ACTN4: variants seen among roughly 807,000 people sequenced by gnomAD.
ACTN4 encodes actinin alpha 4.
Under a neutral mutation model 114.2 loss-of-function variants are expected in ACTN4, and 18 were observed. The ratio of observed to expected loss-of-function variants is 0.16; its 90% CI spans 0.11 to 0.23. The LOEUF is 0.23. Among genes scored for constraint, ACTN4 ranks in the 10% least tolerant of loss-of-function variants. ACTN4 has a pLI of 1.00. For synonymous variants in ACTN4, 515 were observed against 506.3 expected, an observed-to-expected ratio of 1.02 and a Z score of -0.23; for missense variants, 722 against 1,262.9, an observed-to-expected ratio of 0.57 and a Z score of 6.49.
At chr19:38,682,946 CCCA>C (rs1166272825) in intron 1 of ACTN4, among the ~76,000 whole-genome samples, 2 of 152,186 alleles carry the variant, frequency 1.3e-5, no homozygotes, top group African/African-American at 4.8e-5. Context: ...TGTTATGGTA[CCCA>C]TCCCTGTCTC....
At chr19:38,713,779 C>T (rs933709129) in intron 8 of ACTN4, among the ~76,000 whole-genome samples, 1 of 152,186 alleles carries the variant, frequency 6.6e-6, no homozygotes, top group Non-Finnish European at 1.5e-5. Flanking sequence ...TTCTGTGCTT[C>T]CTGAAAGGTA....
intron 1 of ACTN4, among the ~76,000 whole-genome samples, chr19:38,669,405 G>A (rs951914516): frequency 1.3e-5 from 2 of 152,236 alleles, no homozygotes; most frequent in Non-Finnish European, 2.9e-5. Context: ...GAGTTTGGAG[G>A]TGTCCCCTGT....
At chr19:38,720,437 GA>G (rs1437520859) in intron 11 of ACTN4, among the ~76,000 whole-genome samples, 13 of 152,246 alleles carry the variant, frequency 8.5e-5, no homozygotes, top group African/African-American at 2.7e-4. Flanking sequence ...TTGGAGAAGG[GA>G]ATTGCAAGGC....
chr19:38,690,181 G>A (rs917189729), intron 1 of ACTN4, among the ~76,000 whole-genome samples: 3 of 152,196 alleles, frequency 2.0e-5, no homozygotes, highest in Non-Finnish European at 4.4e-5. Flanking sequence ...CTGTATGGAA[G>A]CTCTGTTTTC....
rs985007906 is a variant in ACTN4, at chr19:38,724,216, C to T, written c.1752C>T (p.Arg584=). The change falls in exon 15 of 21, where the codon CGC becomes CGT. Residue 584 remains arginine, a synonymous_variant. Transcript: ENST00000252699. This position sits in a 1 kb window ranked among gnomAD's most constrained non-coding sequence, Gnocchi z 7.0. ...CCCTGCCGGACGCCGATAGGGAGCG[C>T]GAGGCCATCCTGGCCATCCACAAGG... ...KSTLPDADRE[R]EAILAIHKEA... 6 of 1,613,874 alleles carry T rather than the reference C, an allele frequency of 3.7e-6. No individual in the cohort carries two copies. The highest frequency in any genetic ancestry group is 3.4e-6 in the Non-Finnish European group (4 of 1,180,026).
chr19:38,660,686 A>G (rs898915255), intron 1 of ACTN4, among the ~76,000 whole-genome samples: 7 of 152,184 alleles, frequency 4.6e-5, no homozygotes, highest in Admixed American at 4.6e-4. Context: ...GCGAGCCACC[A>G]TGCCCGACCC....
At chr19:38,700,577 T>C (rs892792471) in intron 1 of ACTN4, 23 bp from the exon 2 acceptor site, 11 of 1,594,836 alleles carry the variant, frequency 6.9e-6, no homozygotes, top group Non-Finnish European at 9.5e-6. Context: ...CTCTGCGCAC[T>C]GTCCTTTGTT....
chr19:38,718,825 G>A (rs938399089), intron 11 of ACTN4, among the ~76,000 whole-genome samples: 2 of 152,206 alleles, frequency 1.3e-5, no homozygotes, highest in Non-Finnish European at 2.9e-5. Context: ...CCACACCTCT[G>A]TGAGCGTGGA....
intron 1 of ACTN4, among the ~76,000 whole-genome samples, chr19:38,666,126 T>G (rs943144941): frequency 6.6e-6 from 1 of 152,204 alleles, no homozygotes; most frequent in Admixed American, 6.5e-5. Flanking sequence ...CAACAGTGCT[T>G]CTCACGCCTG....
At chr19:38,699,054 G>GGTGGGGTACA (rs1968183121) in intron 1 of ACTN4, among the ~76,000 whole-genome samples, 1 of 152,224 alleles carries the variant, frequency 6.6e-6, no homozygotes, top group South Asian at 2.1e-4. Context: ...AGATGGAGGG[G>GGTGGGGTACA]GTGGGGTACA....
intron 1 of ACTN4, among the ~76,000 whole-genome samples, chr19:38,683,009 A>G (rs1158813098): frequency 6.6e-6 from 1 of 152,132 alleles, no homozygotes; most frequent in Non-Finnish European, 1.5e-5. Context: ...TGTAAGTTGC[A>G]TGAGGGCAGG....
intron 11 of ACTN4, among the ~76,000 whole-genome samples, chr19:38,720,230 G>A (rs2145075760): frequency 6.6e-6 from 1 of 152,330 alleles, no homozygotes; most frequent in South Asian, 2.1e-4. Context: ...CTTCTCTGAG[G>A]GACTTGATTT....
chr19:38,696,365 A>T (rs889479360), intron 1 of ACTN4, among the ~76,000 whole-genome samples: 2 of 152,106 alleles, frequency 1.3e-5, no homozygotes, highest in African/African-American at 2.4e-5. Flanking sequence ...TCGGCTGCCC[A>T]CATTCTGAGA....
chr19:38,715,223 G>A (rs1047247935), intron 9 of ACTN4, among the ~76,000 whole-genome samples: 3 of 152,298 alleles, frequency 2.0e-5, no homozygotes, highest in Non-Finnish European at 2.9e-5. Flanking sequence ...TAGGCTGGGC[G>A]CAGTGGCTCA....
At chr19:38,685,603 T>C (rs1291485080) in intron 1 of ACTN4, among the ~76,000 whole-genome samples, 1 of 152,164 alleles carries the variant, frequency 6.6e-6, no homozygotes, top group Non-Finnish European at 1.5e-5. Context: ...ACTCTGCTTC[T>C]GAAAGGGATC....
intron 1 of ACTN4, among the ~76,000 whole-genome samples, chr19:38,688,326 A>T (rs1013029397): frequency 2.2e-4 from 32 of 148,384 alleles, no homozygotes; most frequent in African/African-American, 8.0e-4. Flanking sequence ...AGGCGAGTGG[A>T]TCACCTGAGG....
At chr19:38,682,329 C>A (rs1202818420) in intron 1 of ACTN4, among the ~76,000 whole-genome samples, 1 of 152,050 alleles carries the variant, frequency 6.6e-6, no homozygotes, top group Non-Finnish European at 1.5e-5. Context: ...TGTGAGCTAC[C>A]ATGCCCTGTC....
At position 38,729,971 on chromosome 19, in the gene ACTN4, A is replaced by AC; in HGVS notation, c.*543dup. The AC allele has an allele frequency of 3.2e-6, 1 of 309,762 alleles. No homozygotes were observed. Among genetic ancestry groups the AC allele is most frequent in the Non-Finnish European group, 6.3e-6 (1 of 158,776 alleles). 19.2% of individuals were successfully genotyped at this position (309,762 alleles called of 1,614,324 possible). ...TTGCCAGGAGATGGCCCCAACAAGCACCCCGCTTTTGCAGCAGAGGAGCTG... is the reference window on the plus strand; with the variant it reads ...TTGCCAGGAGATGGCCCCAACAAGCACCCCCGCTTTTGCAGCAGAGGAGCTG... On this transcript the variant is annotated 3_prime_UTR_variant, in exon 21 of 21. Coordinates refer to ENST00000252699, the MANE Select transcript of ACTN4 (RefSeq NM_004924.6).
chr19:38,657,902 G>C (rs1049660942), intron 1 of ACTN4, among the ~76,000 whole-genome samples: 1 of 152,100 alleles, frequency 6.6e-6, no homozygotes, highest in Non-Finnish European at 1.5e-5. Flanking sequence ...TATGTGTAAC[G>C]GTTAACAAAT....
Sources: gnomAD v4.1 joint callset for allele counts (sites outside exome capture counted in the v4.1 genomes callset) on GRCh38, gnomAD v4.1.1 for gene constraint, Gnocchi (gnomAD v3.1) non-coding constraint, MANE v1.5 for transcripts, NCBI Gene and HGNC (gene_info 2026-07-23, HGNC 2026-07-21) for gene names.